The following ZSCAN20 variants were observed in gnomAD, a reference collection of about 807,000 sequenced individuals.
ZSCAN20 encodes the protein zinc finger and SCAN domain-containing protein 20.
In ZSCAN20, 39 loss-of-function variants were observed where a neutral mutation model predicts 97.1. That is an observed-to-expected ratio of 0.40 (90% CI 0.31 to 0.52). ZSCAN20 has a LOEUF of 0.52. Ranked by LOEUF, ZSCAN20 falls within the 20% of genes least tolerant of loss-of-function variation. The probability of loss-of-function intolerance (pLI) is 0.49; values close to 1 mark genes in which losing one functional copy is unlikely to be tolerated. For missense variants in ZSCAN20, 1,115 were observed against 1,290.4 expected (o/e 0.86, Z 2.08); for synonymous variants, 456 against 467.3 (o/e 0.98, Z 0.31).
At chr1:33,490,592 G>C (rs1215837387) in intron 5 of ZSCAN20, among the ~76,000 whole-genome samples, 1 of 151,664 alleles carries the variant, frequency 6.6e-6, no homozygotes, top group Non-Finnish European at 1.5e-5. Context: ...ATGGTCAAAA[G>C]ATAGATGCCA....
chr1:33,484,471 C>T (rs937275759), intron 2 of ZSCAN20, among the ~76,000 whole-genome samples: 2 of 151,928 alleles, frequency 1.3e-5, no homozygotes, highest in African/African-American at 4.8e-5. Flanking sequence ...TTTTTTTGCC[C>T]GTTGATGTGA....
intron 2 of ZSCAN20, among the ~76,000 whole-genome samples, chr1:33,483,401 A>G (rs1040573762): frequency 9.2e-5 from 14 of 152,000 alleles, no homozygotes; most frequent in Admixed American, 3.3e-4. Flanking sequence ...TGTTCCATTG[A>G]TCGCTTTATT....
intron 2 of ZSCAN20, among the ~76,000 whole-genome samples, chr1:33,480,383 C>T (rs993999287): frequency 3.9e-5 from 6 of 152,124 alleles, no homozygotes; most frequent in African/African-American, 1.4e-4. Context: ...TGCCAAGTGG[C>T]CCACAAAGGT....
Position 33,493,176 on chromosome 1 carries a change from A to G in ZSCAN20, c.1445-11A>G. 3 of 1,610,656 alleles carry G rather than the reference A, an allele frequency of 1.9e-6. No homozygotes were observed. The highest frequency in any genetic ancestry group is 2.5e-6 in the Non-Finnish European group (3 of 1,177,370). On this transcript the variant is annotated splice_polypyrimidine_tract_variant and intron_variant, in intron 6 of 7. Transcript: ENST00000684572. The surrounding 1 kb of genome is among the most constrained non-coding windows in gnomAD (Gnocchi z 4.3). Reference sequence around the variant, plus strand: ...TAAGTCTCACAGTTCTCAACTCTTCACTCCTGACAGCAGGTGTGCACTGGG... The same window carrying G: ...TAAGTCTCACAGTTCTCAACTCTTCGCTCCTGACAGCAGGTGTGCACTGGG...
intron 2 of ZSCAN20, among the ~76,000 whole-genome samples, chr1:33,485,658 C>T (rs1328888985): frequency 6.6e-6 from 1 of 152,074 alleles, no homozygotes; most frequent in Non-Finnish European, 1.5e-5. Context: ...AAATGATCCA[C>T]CACCTTGGCC....
Position 33,499,118 on chromosome 1 carries a change from G to C in ZSCAN20, c.*3642G>C, listed in dbSNP as rs991458118. On this transcript the variant is annotated 3_prime_UTR_variant, in exon 8 of 8. Transcript: ENST00000684572. The stretch of plus-strand genomic sequence containing the variant: ...TCATCTTGTTCTGGGGCCCCCAGTG[G>C]GGATAGCTCTCTGCTTTCGGGCTGC... Among the ~76,000 whole-genome samples the C allele has an allele frequency of 1.3e-5, 2 of 152,190 alleles. No homozygotes were observed. The highest frequency in any genetic ancestry group is 6.5e-5 in the Admixed American group (1 of 15,284).
rs1653016615 is a variant in ZSCAN20, at chr1:33,500,157, G to A, written c.*4681G>A. Among the ~76,000 whole-genome samples, 1 of 152,078 alleles carries A rather than the reference G, an allele frequency of 6.6e-6. No individual in the cohort carries two copies. Among genetic ancestry groups the A allele is most frequent in the Non-Finnish European group, 1.5e-5 (1 of 68,006 alleles). Reference sequence around the variant, plus strand: ...TTTAGCATCATTTTGCCCTCCCTCTGACTTTCAGCAAGCCTGCACTTACCT... The same window carrying A: ...TTTAGCATCATTTTGCCCTCCCTCTAACTTTCAGCAAGCCTGCACTTACCT... On this transcript the variant is annotated 3_prime_UTR_variant, in exon 8 of 8. Transcript: ENST00000684572.
rs1365094028 is a variant in ZSCAN20 at position 33,497,461 on chromosome 1, T to C, written c.*1985T>C. On this transcript the variant is annotated 3_prime_UTR_variant, in exon 8 of 8. Transcript: ENST00000684572. ...GCACTGTTGTGTGGAATAGCATGGA[T>C]TCAGGGTGGGGTTGTATGATGGGAG... 6.6e-6 allele frequency among the ~76,000 whole-genome samples: 1 copy of C among 152,040 alleles called. No homozygotes were observed. Among genetic ancestry groups the C allele is most frequent in the Non-Finnish European group, 1.5e-5 (1 of 67,998 alleles).
intron 1 of ZSCAN20, among the ~76,000 whole-genome samples, chr1:33,475,889 C>T (rs1209099105): frequency 1.3e-5 from 2 of 150,686 alleles, no homozygotes; most frequent in Non-Finnish European, 2.9e-5. Flanking sequence ...AGGCTGGTCT[C>T]GAACTCCTGA....
At chr1:33,477,148 A>T (rs1651968696) in intron 1 of ZSCAN20, among the ~76,000 whole-genome samples, 1 of 152,182 alleles carries the variant, frequency 6.6e-6, no homozygotes, top group Non-Finnish European at 1.5e-5. Context: ...CAGGACATGA[A>T]AAGGGCATGT....
chr1:33,490,131 T>C (rs994636524), intron 5 of ZSCAN20, among the ~76,000 whole-genome samples: 1 of 152,108 alleles, frequency 6.6e-6, no homozygotes, highest in African/African-American at 2.4e-5. Context: ...GAGTTAGACA[T>C]GTGAATAGCT....
chr1:33,495,167 T>C lies in ZSCAN20; in HGVS notation c.2823T>C (p.Ser941=). 1 of 1,614,036 alleles carries C rather than the reference T, an allele frequency of 6.2e-7. No homozygotes were observed. The highest frequency in any genetic ancestry group is 8.5e-7 in the Non-Finnish European group (1 of 1,179,966). The change falls in exon 8 of 8, where the codon AGT becomes AGC. Residue 941 remains serine, a synonymous_variant. Coordinates refer to ENST00000684572, the MANE Select transcript of ZSCAN20 (RefSeq NM_001377376.1). ...GTGTGGACTGTGGGAAGTGCTTCAG[T>C]GAGCGCTCCAAGCTCATCACACACC... ...YKCVDCGKCF[S]ERSKLITHQR...
At chr1:33,488,426 C>A (rs1408640272) in intron 2 of ZSCAN20, 39 bp from the exon 3 acceptor site, 1 of 1,600,036 alleles carries the variant, frequency 6.2e-7, no homozygotes, top group Non-Finnish European at 8.5e-7. Context: ...GTGGGTCTTA[C>A]TGAATTGTTG....
chr1:33,490,869 C>T (rs974551966), intron 5 of ZSCAN20, among the ~76,000 whole-genome samples, 156 bp from the exon 6 acceptor site: 1 of 152,190 alleles, frequency 6.6e-6, no homozygotes, highest in Non-Finnish European at 1.5e-5. Context: ...CGTGTTACCT[C>T]TTCTCTCTCC....
Position 33,494,669 on chromosome 1 carries a change from T to C in ZSCAN20, c.2325T>C (p.Phe775=), listed in dbSNP as rs1233030686. The C allele has an allele frequency of 6.2e-7, 1 of 1,612,974 alleles. No individual in the cohort carries two copies. ...AATGCCTTGAATGTGGGAAAAGCTT[T>C]AGTGACCATTCTAATCTCATCACTC... The part of the protein sequence containing the change: ...PYKCLECGKS[F]SDHSNLITHQ... The change falls in exon 8 of 8, where the codon TTT becomes TTC. Residue 775 remains phenylalanine, a synonymous_variant. Transcript: ENST00000684572.
chr1:33,478,923 T>C (rs1173695813), intron 1 of ZSCAN20, among the ~76,000 whole-genome samples: 1 of 152,206 alleles, frequency 6.6e-6, no homozygotes, highest in Non-Finnish European at 1.5e-5. Flanking sequence ...ATTGACATTT[T>C]GTGAGCACTC....
In ZSCAN20 at chr1:33,491,447, G is replaced by C; in HGVS notation, c.1189G>C (p.Gly397Arg). 6.2e-7 allele frequency: 1 copy of C among 1,614,196 alleles called. No homozygotes were observed. Among genetic ancestry groups the C allele is most frequent in the Non-Finnish European group, 8.5e-7 (1 of 1,180,038 alleles). The change falls in exon 6 of 8, where the codon GGT becomes CGT. Residue 397 changes from glycine (G) to arginine (R), a missense_variant. Gly to Arg is a moderately radical substitution (Grantham distance 125, BLOSUM62 -2). Coordinates refer to ENST00000684572, the MANE Select transcript of ZSCAN20 (RefSeq NM_001377376.1). This position sits in a 1 kb window ranked among gnomAD's most constrained non-coding sequence, Gnocchi z 4.3. ...GAAAGCCAAGAGCAGCCACCCACCA[G>C]GTACCTGCCCCTTCTATGAGGAGCT... ...YRKAKSSHPP[G>R]TCPFYEELEA...
chr1:33,494,390 G>A lies in ZSCAN20; in HGVS notation c.2046G>A (p.Gln682=), dbSNP rs1652754684. 1 of 1,614,072 alleles carries A rather than the reference G, an allele frequency of 6.2e-7. No individual in the cohort carries two copies. Among genetic ancestry groups the A allele is most frequent in the African/African-American group, 1.3e-5 (1 of 75,032 alleles). ...EDEGQWGNPS[Q]EQWQESSSEE... ...AAGGGCAGTGGGGAAATCCCTCACA[G>A]GAACAGTGGCAAGAAAGTTCTTCTG... Residue 682 remains glutamine, a synonymous_variant, in exon 8 of 8, where the codon CAG becomes CAA. Transcript: ENST00000684572.
rs1443327197 is a variant in ZSCAN20, at chr1:33,479,508, G to T, written c.220G>T (p.Ala74Ser). The change falls in exon 2 of 8, where the codon GCT (alanine) becomes TCT (serine). Residue 74 changes from alanine to serine, a missense_variant. Ala to Ser is a moderately conservative substitution (Grantham distance 99). Coordinates refer to ENST00000684572, the MANE Select transcript of ZSCAN20 (RefSeq NM_001377376.1). Reference protein sequence around the residue: ...GPHEAFSQLWALCCRWLRPEI... With the variant: ...GPHEAFSQLWSLCCRWLRPEI... ...CCACGAGGCCTTCAGCCAGCTCTGG[G>T]CTCTCTGCTGTCGTTGGCTGAGGCC... 3 of 1,613,440 alleles carry T rather than the reference G, an allele frequency of 1.9e-6. No individual in the cohort carries two copies. In the South Asian group the frequency reaches 3.3e-5, roughly 18 times the overall value.
Sources: allele counts gnomAD v4.1 joint callset (sites outside exome capture counted in the v4.1 genomes callset), GRCh38; gene constraint gnomAD v4.1.1; non-coding constraint Gnocchi (gnomAD v3.1); transcripts MANE v1.5; gene names NCBI Gene and HGNC (gene_info 2026-07-23, HGNC 2026-07-21).